The following MARCHF1 variants were observed in gnomAD, a reference collection of about 807,000 sequenced individuals.
The protein encoded by MARCHF1 is membrane associated ring-CH-type finger 1.
A neutral mutation model predicts 54.2 loss-of-function variants in MARCHF1; 40 were observed. That is an observed-to-expected ratio of 0.74 (90% CI 0.57 to 0.96). MARCHF1 has a LOEUF of 0.96. Among genes scored for constraint, MARCHF1 ranks in the 40% least tolerant of loss-of-function variants. MARCHF1 has a pLI of 0.00. For synonymous variants in MARCHF1, 236 were observed against 236.3 expected, an observed-to-expected ratio of 1.00 and a Z score of 0.01; for missense variants, 586 against 656.5, an observed-to-expected ratio of 0.89 and a Z score of 1.17.
intron 2 of MARCHF1, among the ~76,000 whole-genome samples, chr4:164,019,505 G>T (rs1404641025): frequency 6.6e-6 from 1 of 152,130 alleles, no homozygotes; most frequent in East Asian, 1.9e-4. Flanking sequence ...ATTGTTGAGG[G>T]AAATAGAACA....
At chr4:164,239,619 A>G (rs768567269) in intron 1 of MARCHF1, among the ~76,000 whole-genome samples, 4 of 152,126 alleles carry the variant, frequency 2.6e-5, no homozygotes, top group African/African-American at 4.8e-5. Flanking sequence ...TACTTTGAGC[A>G]TAAGTGTTTT....
intron 2 of MARCHF1, among the ~76,000 whole-genome samples, chr4:164,074,333 T>A (rs1459545381): frequency 6.6e-6 from 1 of 152,148 alleles, no homozygotes; most frequent in Non-Finnish European, 1.5e-5. Context: ...TCCGAGTAAG[T>A]ATCCTCTGTT....
chr4:164,202,525 CA>C (rs906495063), intron 1 of MARCHF1, among the ~76,000 whole-genome samples: 2 of 151,940 alleles, frequency 1.3e-5, no homozygotes, highest in East Asian at 3.9e-4. Flanking sequence ...AGTTAATTTT[CA>C]AAAAAACCCT....
intron 2 of MARCHF1, among the ~76,000 whole-genome samples, chr4:164,100,068 C>T (rs530497069): frequency 6.4e-4 from 97 of 152,232 alleles, no homozygotes; most frequent in African/African-American, 2.3e-3. Flanking sequence ...CTGAATTTTC[C>T]TTTTAAAGAC....
intron 1 of MARCHF1, among the ~76,000 whole-genome samples, chr4:164,187,404 C>A (rs1474759016): frequency 1.3e-5 from 2 of 152,128 alleles, no homozygotes; most frequent in African/African-American, 4.8e-5. Flanking sequence ...CTTGAAGTCC[C>A]CTTATAAGTC....
intron 1 of MARCHF1, among the ~76,000 whole-genome samples, chr4:164,184,525 G>A (rs1730916119): frequency 6.6e-6 from 1 of 152,178 alleles, no homozygotes; most frequent in African/African-American, 2.4e-5. Context: ...GATTGTGTCT[G>A]AAATAAAAAG....
intron 1 of MARCHF1, among the ~76,000 whole-genome samples, chr4:164,250,336 C>G (rs1037164157): frequency 4.0e-5 from 6 of 151,636 alleles, no homozygotes; most frequent in African/African-American, 1.5e-4. Flanking sequence ...TGTTACATCT[C>G]AAGGATTTTC....
intron 3 of MARCHF1, among the ~76,000 whole-genome samples, chr4:163,982,862 T>C (rs1752790228): frequency 6.6e-6 from 1 of 152,164 alleles, no homozygotes; most frequent in Non-Finnish European, 1.5e-5. Flanking sequence ...GACAAAAAGG[T>C]GTCTCTTCCC....
At chr4:163,859,049 A>G (rs989642234) in intron 3 of MARCHF1, among the ~76,000 whole-genome samples, 4 of 152,190 alleles carry the variant, frequency 2.6e-5, no homozygotes, top group South Asian at 2.1e-4. Flanking sequence ...ATAGAATCCA[A>G]TAAGTAATTG....
intron 2 of MARCHF1, among the ~76,000 whole-genome samples, chr4:164,109,539 T>A (rs530178360): frequency 6.6e-6 from 1 of 151,880 alleles, no homozygotes; most frequent in Non-Finnish European, 1.5e-5. Flanking sequence ...ATTTCCTTAA[T>A]TTTTTTTCAG....
rs987551093 is a variant in MARCHF1, at chr4:164,093,709, G to C, written c.-248+17879C>G. Among the ~76,000 whole-genome samples, 7 of 152,146 alleles carry C rather than the reference G, an allele frequency of 4.6e-5. No individual in the cohort carries two copies. In the East Asian group the frequency reaches 1.3e-3, roughly 29 times the overall value. On this transcript the variant is annotated intron_variant, in intron 2 of 9. Coordinates refer to ENST00000514618, the MANE Select transcript of MARCHF1 (RefSeq NM_001394959.1). ...AGCACTGAAGGGGAGGACAGTGGCAGTGAGCATCCTGGTGGTCCCTTCAGG... is the reference window on the plus strand; with the variant it reads ...AGCACTGAAGGGGAGGACAGTGGCACTGAGCATCCTGGTGGTCCCTTCAGG...
chr4:164,076,257 G>A (rs1579513745), intron 2 of MARCHF1, among the ~76,000 whole-genome samples: 1 of 152,064 alleles, frequency 6.6e-6, no homozygotes, highest in East Asian at 1.9e-4. Context: ...AAAAATTAAA[G>A]TGCATAAGAA....
chr4:163,631,087 A>T (rs79992014), intron 5 of MARCHF1, among the ~76,000 whole-genome samples: 1,670 of 152,324 alleles, frequency 0.011, 31 homozygotes, highest in African/African-American at 0.037. Flanking sequence ...CTACTTTGCT[A>T]AGTTGGTTTT....
intron 9 of MARCHF1, among the ~76,000 whole-genome samples, chr4:163,539,754 C>CA (rs1560930008): frequency 1.3e-5 from 2 of 152,250 alleles, no homozygotes; most frequent in African/African-American, 4.8e-5. Context: ...GAAATCCCAT[C>CA]AAAAAATAAA....
chr4:163,579,662 C>T (rs1740155346), intron 8 of MARCHF1, among the ~76,000 whole-genome samples: 1 of 124,932 alleles, frequency 8.0e-6, no homozygotes, highest in African/African-American at 3.1e-5. Context: ...TTAGGCTTCA[C>T]ATAATAATAG....
chr4:164,380,937 C>T (rs754190653), intron 1 of MARCHF1, among the ~76,000 whole-genome samples: 3 of 152,180 alleles, frequency 2.0e-5, no homozygotes, highest in African/African-American at 4.8e-5. Context: ...GTTTAAGACA[C>T]AATTTTGCCT....
intron 3 of MARCHF1, among the ~76,000 whole-genome samples, chr4:163,952,788 C>T (rs1463132132): frequency 6.6e-6 from 1 of 152,134 alleles, no homozygotes; most frequent in Non-Finnish European, 1.5e-5. Flanking sequence ...AGTCAAAAGG[C>T]TTACATGACA....
chr4:163,597,236 G>A (rs1162823954), intron 7 of MARCHF1, among the ~76,000 whole-genome samples: 2 of 152,174 alleles, frequency 1.3e-5, no homozygotes, highest in African/African-American at 4.8e-5. Flanking sequence ...GGTATTAGAG[G>A]CATGAACCAC....
intron 4 of MARCHF1, among the ~76,000 whole-genome samples, chr4:163,714,806 A>G (rs1245795953): frequency 6.6e-6 from 1 of 152,088 alleles, no homozygotes; most frequent in African/African-American, 2.4e-5. Context: ...AGTAGCTAGG[A>G]CTACAGGCAC....
Sources: allele counts gnomAD v4.1 joint callset (sites outside exome capture counted in the v4.1 genomes callset), GRCh38; gene constraint gnomAD v4.1.1; transcripts MANE v1.5; gene names NCBI Gene and HGNC (gene_info 2026-07-23, HGNC 2026-07-21).